CCSER2: variants seen among roughly 807,000 people sequenced by gnomAD.
CCSER2 encodes the protein coiled-coil serine rich protein 2.
Under a neutral mutation model 92.3 loss-of-function variants are expected in CCSER2, and 46 were observed. The observed-to-expected ratio is 0.50, with a 90% confidence interval of 0.39 to 0.64. CCSER2 has a LOEUF of 0.64. CCSER2 is among the 30% of genes least tolerant of loss of function. The pLI is 0.00. For synonymous variants in CCSER2, 433 were observed against 431.4 expected, an observed-to-expected ratio of 1.00 and a Z score of -0.04; for missense variants, 1,244 against 1,238.9, an observed-to-expected ratio of 1.00 and a Z score of -0.06.
At chr10:84,465,281 G>A (rs1267688273) in intron 7 of CCSER2, among the ~76,000 whole-genome samples, 5 of 56,918 alleles carry the variant, frequency 8.8e-5, no homozygotes, top group African/African-American at 2.9e-4. Flanking sequence ...GTGTGTGTGT[G>A]TGTGTGTGTG....
intron 3 of CCSER2, among the ~76,000 whole-genome samples, chr10:84,387,798 G>T (rs1841304485): frequency 6.6e-6 from 1 of 152,170 alleles, no homozygotes; most frequent in Non-Finnish European, 1.5e-5. Context: ...AAAGTGCTGG[G>T]ATTACAGGTG....
chr10:84,402,381 A>C (rs1842164610), intron 3 of CCSER2, among the ~76,000 whole-genome samples: 1 of 152,210 alleles, frequency 6.6e-6, no homozygotes, highest in African/African-American at 2.4e-5. Flanking sequence ...AGCATATTGA[A>C]ACTAACATGT....
intron 5 of CCSER2, among the ~76,000 whole-genome samples, chr10:84,438,178 CAACA>C (rs909681078): frequency 1.3e-5 from 2 of 152,054 alleles, no homozygotes; most frequent in Non-Finnish European, 2.9e-5. Context: ...AACTAATGAA[CAACA>C]GTCAGTGCAG....
chr10:84,487,491 ATT>A (rs1847880144), intron 9 of CCSER2, among the ~76,000 whole-genome samples: 1 of 152,014 alleles, frequency 6.6e-6, no homozygotes, highest in Non-Finnish European at 1.5e-5. Context: ...TATGTATTTT[ATT>A]CTCTTTGAAG....
chr10:84,463,300 T>C (rs980332067), intron 6 of CCSER2, among the ~76,000 whole-genome samples: 6 of 152,340 alleles, frequency 3.9e-5, no homozygotes, highest in Admixed American at 2.6e-4. Context: ...TTAACTACCG[T>C]ACACTCAGGA....
chr10:84,330,807 T>G (rs1369201284), intron 1 of CCSER2, among the ~76,000 whole-genome samples: 1 of 151,974 alleles, frequency 6.6e-6, no homozygotes, highest in East Asian at 1.9e-4. Flanking sequence ...GAAACCCCAG[T>G]TATGTTAAAA....
chr10:84,333,652 A>G (rs1468421079), intron 1 of CCSER2, among the ~76,000 whole-genome samples: 5 of 152,234 alleles, frequency 3.3e-5, no homozygotes, highest in Non-Finnish European at 7.3e-5. Flanking sequence ...ATATTGAATT[A>G]TGTTTATAAT....
At chr10:84,357,103 T>G (rs1189518088) in intron 1 of CCSER2, among the ~76,000 whole-genome samples, 1 of 152,020 alleles carries the variant, frequency 6.6e-6, no homozygotes, top group East Asian at 1.9e-4. Context: ...AAACTTTGAG[T>G]GTCTGAGGGG....
At chr10:84,341,343 C>CTTT (rs35558044) in intron 1 of CCSER2, among the ~76,000 whole-genome samples, 3,277 of 94,244 alleles carry the variant, frequency 0.035, 359 homozygotes, top group African/African-American at 0.13. Context: ...CTTTGTAACT[C>CTTT]TTTTTTTTTT....
intron 5 of CCSER2, among the ~76,000 whole-genome samples, chr10:84,429,207 T>G (rs1307028108): frequency 6.6e-6 from 1 of 152,072 alleles, no homozygotes. Context: ...AGTGGAGTTA[T>G]TTGGGCCTGG....
Position 84,372,138 on chromosome 10 carries a change from T to C in CCSER2, c.1086T>C (p.Asn362=). Residue 362 remains asparagine, a synonymous_variant, in exon 2 of 10, where the codon AAT becomes AAC. Coordinates refer to ENST00000372088, the MANE Select transcript of CCSER2 (RefSeq NM_001284240.2). ...ATVLAKDRAA[N]KDQELIENES... Reference sequence around the variant, plus strand: ...TTTTGGCTAAGGACAGAGCTGCTAATAAGGACCAAGAACTGATTGAAAATG... The same window carrying C: ...TTTTGGCTAAGGACAGAGCTGCTAACAAGGACCAAGAACTGATTGAAAATG... 1 of 1,613,546 alleles carries C rather than the reference T, an allele frequency of 6.2e-7. No individual in the cohort carries two copies. The highest frequency in any genetic ancestry group is 1.1e-5 in the South Asian group (1 of 91,034).
At chr10:84,370,822 G>A (rs535554477) in intron 1 of CCSER2, among the ~76,000 whole-genome samples, 192 bp from the exon 2 acceptor site, 1 of 152,170 alleles carries the variant, frequency 6.6e-6, no homozygotes, top group East Asian at 1.9e-4. Context: ...TTATAAAAAT[G>A]TTCTTTATTT....
In CCSER2 at chr10:84,514,262, C is replaced by T. The variant is rs946879486; in HGVS notation, c.3139C>T (p.His1047Tyr). 6.5e-7 allele frequency: 1 copy of T among 1,531,486 alleles called. No individual in the cohort carries two copies. The highest frequency in any genetic ancestry group is 8.7e-7 in the Non-Finnish European group (1 of 1,142,980). 94.9% of individuals were successfully genotyped at this position (1,531,486 alleles called of 1,614,324 possible). Residue 1047 changes from histidine (H) to tyrosine (Y), a missense_variant, in exon 10 of 10, where the codon CAT (histidine) becomes TAT (tyrosine). Coordinates refer to ENST00000372088, the MANE Select transcript of CCSER2 (RefSeq NM_001284240.2). ...TTCTCGTCTTCCTAAACCAAAGATA[C>T]ATTAAGTACATAGCCATCACCTGCC... ...RYSRLPKPKI[H>Y]
intron 1 of CCSER2, among the ~76,000 whole-genome samples, chr10:84,369,160 A>G (rs1486311939): frequency 2.9e-5 from 4 of 136,722 alleles, no homozygotes; most frequent in East Asian, 4.2e-4. Context: ...TTTTTTTTTG[A>G]TACAGTTTTC....
chr10:84,434,828 G>A (rs1425749502), intron 5 of CCSER2, among the ~76,000 whole-genome samples: 3 of 152,110 alleles, frequency 2.0e-5, no homozygotes, highest in Non-Finnish European at 4.4e-5. Context: ...GAGGGATTTG[G>A]TAACTTGCCC....
chr10:84,513,499 C>T lies in CCSER2; in HGVS notation c.2376C>T (p.Thr792=), dbSNP rs12569751. 6.2e-7 allele frequency: 1 copy of T among 1,613,956 alleles called. No individual in the cohort carries two copies. The highest frequency in any genetic ancestry group is 8.5e-7 in the Non-Finnish European group (1 of 1,179,968). The part of the protein sequence containing the change: ...SSSLPRPTDH[T]QGKLIKPQRI... The stretch of plus-strand genomic sequence containing the variant: ...GCCTTCCCAGACCCACAGATCACAC[C>T]CAGGGAAAACTAATAAAGCCACAAC... The change falls in exon 10 of 10, where the codon ACC becomes ACT. Residue 792 remains threonine, a synonymous_variant. Transcript: ENST00000372088.
intron 6 of CCSER2, among the ~76,000 whole-genome samples, chr10:84,450,542 A>C (rs1233027860): frequency 2.0e-5 from 3 of 152,198 alleles, no homozygotes; most frequent in Non-Finnish European, 4.4e-5. Context: ...CTGTTCTAGT[A>C]GATAAACAAT....
At chr10:84,358,045 A>G (rs867907278) in intron 1 of CCSER2, among the ~76,000 whole-genome samples, 8 of 152,210 alleles carry the variant, frequency 5.3e-5, no homozygotes, top group Middle Eastern at 3.2e-3. Flanking sequence ...AAGAACACAC[A>G]TGCCTCTTGA....
chr10:84,376,964 G>T (rs577379693), intron 3 of CCSER2, among the ~76,000 whole-genome samples: 1 of 152,134 alleles, frequency 6.6e-6, no homozygotes, highest in African/African-American at 2.4e-5. Context: ...TGTTTATTGG[G>T]CCATTAGGAT....
Sources: allele counts gnomAD v4.1 joint callset (sites outside exome capture counted in the v4.1 genomes callset), GRCh38; gene constraint gnomAD v4.1.1; transcripts MANE v1.5; gene names NCBI Gene and HGNC (gene_info 2026-07-23, HGNC 2026-07-21).